Variants in SHC3 observed in about 807,000 individuals in gnomAD.
The protein encoded by SHC3 is SHC-transforming protein 3.
In SHC3, 15 loss-of-function variants were observed where a neutral mutation model predicts 60.4. The ratio of observed to expected loss-of-function variants is 0.25; its 90% CI spans 0.17 to 0.38. The LOEUF is 0.38. Among genes scored for constraint, SHC3 ranks in the 10% least tolerant of loss-of-function variants. The pLI, the probability that SHC3 is intolerant of heterozygous loss-of-function variation, is 1.00. For missense variants in SHC3, 677 were observed against 786.1 expected, an observed-to-expected ratio of 0.86 and a Z score of 1.66; for synonymous variants, 294 against 325.9, an observed-to-expected ratio of 0.90 and a Z score of 1.05.
At chr9:89,155,660 G>C (rs1322624245) in intron 1 of SHC3, among the ~76,000 whole-genome samples, 1 of 152,162 alleles carries the variant, frequency 6.6e-6, no homozygotes, top group Non-Finnish European at 1.5e-5. Context: ...CCTCAGCTCA[G>C]CCCCTGAACA....
chr9:89,050,903 C>T (rs368207207), intron 7 of SHC3, among the ~76,000 whole-genome samples: 1 of 144,508 alleles, frequency 6.9e-6, no homozygotes, highest in African/African-American at 2.5e-5. Context: ...TTCTTTCGTT[C>T]TTTTTTTTTT....
intron 7 of SHC3, among the ~76,000 whole-genome samples, 160 bp from the exon 8 acceptor site, chr9:89,047,154 T>C (rs550006347): frequency 5.3e-5 from 8 of 152,354 alleles, no homozygotes; most frequent in African/African-American, 1.9e-4. Flanking sequence ...ATGAGTGGTT[T>C]AGCAAAATAT....
At chr9:89,078,009 A>T in intron 2 of SHC3, 106 bp from the exon 3 acceptor site, 1 of 1,334,126 alleles carries the variant, frequency 7.5e-7, no homozygotes, top group Non-Finnish European at 1.1e-6. Context: ...TGTTTATTTC[A>T]GTATAGAAAA....
intron 5 of SHC3, among the ~76,000 whole-genome samples, chr9:89,067,358 G>A (rs769240968): frequency 6.6e-6 from 1 of 152,182 alleles, no homozygotes; most frequent in Non-Finnish European, 1.5e-5. Context: ...AGTGTTTGAG[G>A]TGGCACCAGC....
intron 2 of SHC3, among the ~76,000 whole-genome samples, chr9:89,108,581 C>A (rs529437347): frequency 6.6e-6 from 1 of 152,040 alleles, no homozygotes; most frequent in South Asian, 2.1e-4. Context: ...ACACACCTAT[C>A]CCTGATGCAT....
At chr9:89,126,469 A>AAG (rs1826167182) in intron 1 of SHC3, among the ~76,000 whole-genome samples, 1 of 152,204 alleles carries the variant, frequency 6.6e-6, no homozygotes. Flanking sequence ...TGATGGGATT[A>AAG]AGCATGTTCA....
intron 2 of SHC3, among the ~76,000 whole-genome samples, chr9:89,102,808 G>A (rs1825802123): frequency 1.3e-5 from 2 of 152,324 alleles, no homozygotes; most frequent in Non-Finnish European, 2.9e-5. Context: ...ACCCATTGAT[G>A]ATGTTAAGTG....
chr9:89,110,132 C>CA (rs1288874814), intron 2 of SHC3: 1 of 985,278 alleles, frequency 1.0e-6, no homozygotes, highest in Non-Finnish European at 1.2e-6. Flanking sequence ...TTTGATTTGG[C>CA]TTTCAAACTA....
At chr9:89,110,465 G>T in intron 2 of SHC3, 1 of 984,732 alleles carries the variant, frequency 1.0e-6, no homozygotes, top group South Asian at 4.7e-5. Flanking sequence ...TTAATCACAG[G>T]TATGTTGAAC....
At chr9:89,172,647 T>G (rs1826886894) in intron 1 of SHC3, among the ~76,000 whole-genome samples, 1 of 151,994 alleles carries the variant, frequency 6.6e-6, no homozygotes, top group Non-Finnish European at 1.5e-5. Context: ...GTTCCTATGC[T>G]CACTGCCTCC....
At chr9:89,045,636 T>A (rs568535123) in intron 9 of SHC3, 110 bp downstream of exon 9, 138 of 901,984 alleles carry the variant, frequency 1.5e-4, no homozygotes, top group African/African-American at 9.8e-4. Context: ...ACAGCACATA[T>A]ATCCAGGGGT....
At chr9:89,108,655 A>G (rs1200799443) in intron 2 of SHC3, among the ~76,000 whole-genome samples, 1 of 152,214 alleles carries the variant, frequency 6.6e-6, no homozygotes, top group Non-Finnish European at 1.5e-5. Flanking sequence ...TATCAGATCT[A>G]AGGAAGCCCA....
intron 1 of SHC3, among the ~76,000 whole-genome samples, chr9:89,171,102 T>A (rs35070559): frequency 0.082 from 12,527 of 152,260 alleles, 636 homozygotes; most frequent in Admixed American, 0.14. Flanking sequence ...TTTCATCATT[T>A]TATCTTAAGA....
intron 4 of SHC3, among the ~76,000 whole-genome samples, chr9:89,072,674 C>T (rs1204738289): frequency 6.6e-6 from 1 of 152,088 alleles, no homozygotes; most frequent in South Asian, 2.1e-4. Flanking sequence ...CTAATTTTAT[C>T]TTTTTAAAGA....
At chr9:89,104,918 G>A (rs997026609) in intron 2 of SHC3, among the ~76,000 whole-genome samples, 7 of 152,188 alleles carry the variant, frequency 4.6e-5, no homozygotes, top group Non-Finnish European at 1.0e-4. Flanking sequence ...TCAACTAAGA[G>A]TTTCTGAAGC....
chr9:89,135,839 T>A (rs1830178108), intron 1 of SHC3, among the ~76,000 whole-genome samples: 1 of 152,210 alleles, frequency 6.6e-6, no homozygotes, highest in Non-Finnish European at 1.5e-5. Flanking sequence ...AGCAACCCCA[T>A]ATCAGCTTGG....
chr9:89,129,943 A>T (rs1262579101), intron 1 of SHC3, among the ~76,000 whole-genome samples: 1 of 152,230 alleles, frequency 6.6e-6, no homozygotes, highest in Non-Finnish European at 1.5e-5. Flanking sequence ...ACATGCTCCA[A>T]TTAAAAGACA....
intron 2 of SHC3, among the ~76,000 whole-genome samples, chr9:89,090,061 TCAGCGAGGCCCTGCAGA>T (rs1189734325): frequency 6.6e-6 from 1 of 152,178 alleles, no homozygotes; most frequent in Non-Finnish European, 1.5e-5. Context: ...TAAATCACGG[TCAGCGAGGCCCTGCAGA>T]CAGCATCTCA....
At chr9:89,147,401 C>A (rs74411245) in intron 1 of SHC3, among the ~76,000 whole-genome samples, 1,983 of 152,264 alleles carry the variant, frequency 0.013, 19 homozygotes, top group South Asian at 0.033. Flanking sequence ...CAACTCCCCA[C>A]CCATCCTCCT....
Sources: gnomAD v4.1 joint callset for allele counts (sites outside exome capture counted in the v4.1 genomes callset) on GRCh38, gnomAD v4.1.1 for gene constraint, MANE v1.5 for transcripts, NCBI Gene and HGNC (gene_info 2026-07-23, HGNC 2026-07-21) for gene names.